The following ARHGAP35 variants were observed in gnomAD, a reference collection of about 807,000 sequenced individuals.
ARHGAP35 encodes Rho GTPase activating protein 35, also known as rho GTPase-activating protein 35.
A neutral mutation model predicts 111.1 loss-of-function variants in ARHGAP35; 15 were observed. The observed-to-expected ratio is 0.13, with a 90% CI of 0.09 to 0.21. ARHGAP35 has a LOEUF of 0.21. Ranked by LOEUF, ARHGAP35 falls within the 10% of genes least tolerant of loss-of-function variation. The pLI, the probability that ARHGAP35 is intolerant of heterozygous loss-of-function variation, is 1.00. For missense variants in ARHGAP35, 1,262 were observed against 1,873.0 expected (o/e 0.67, Z 6.02); for synonymous variants, 643 against 710.3 (o/e 0.91, Z 1.51).
chr19:46,867,186 T>A (rs2055862682), intron 1 of ARHGAP35, among the ~76,000 whole-genome samples: 2 of 152,226 alleles, frequency 1.3e-5, no homozygotes, highest in South Asian at 4.1e-4. Flanking sequence ...TACAGGAAAG[T>A]AATATTTATT....
At chr19:46,928,081 T>C (rs997595107) in intron 2 of ARHGAP35, among the ~76,000 whole-genome samples, 2 of 152,216 alleles carry the variant, frequency 1.3e-5, no homozygotes, top group African/African-American at 4.8e-5. Context: ...GACATTGAAA[T>C]AGCAACTGGA....
intron 1 of ARHGAP35, among the ~76,000 whole-genome samples, chr19:46,882,472 CTTTAT>C (rs1180863940): frequency 2.0e-5 from 3 of 152,114 alleles, no homozygotes; most frequent in African/African-American, 7.2e-5. Context: ...GGCTGTTTCA[CTTTAT>C]TTTATTTATT....
At chr19:46,861,921 G>A (rs1035836165) in intron 1 of ARHGAP35, among the ~76,000 whole-genome samples, 1 of 86,598 alleles carries the variant, frequency 1.2e-5, no homozygotes, top group Non-Finnish European at 2.6e-5. Flanking sequence ...CCTACTACCC[G>A]CATTTCTTGT....
At chr19:46,888,880 G>A (rs976050553) in intron 1 of ARHGAP35, among the ~76,000 whole-genome samples, 27 of 150,776 alleles carry the variant, frequency 1.8e-4, no homozygotes, top group Non-Finnish European at 3.1e-4. Flanking sequence ...GTGGTGGCAC[G>A]TGCCTGTAGT....
chr19:46,967,058 A>G (rs531781363), intron 3 of ARHGAP35, among the ~76,000 whole-genome samples: 1 of 152,164 alleles, frequency 6.6e-6, no homozygotes, highest in South Asian at 2.1e-4. Flanking sequence ...ATATTGCCCT[A>G]AAATCCTTTG....
intron 2 of ARHGAP35, among the ~76,000 whole-genome samples, chr19:46,935,534 G>A (rs1446939297): frequency 6.6e-6 from 1 of 152,198 alleles, no homozygotes; most frequent in East Asian, 1.9e-4. Flanking sequence ...GAACGAAGAT[G>A]GGCAGGAGAA....
At chr19:46,973,114 A>G (rs563119696) in intron 3 of ARHGAP35, among the ~76,000 whole-genome samples, 172 of 150,830 alleles carry the variant, frequency 1.1e-3, no homozygotes, top group African/African-American at 3.9e-3. Context: ...TGTAATCCCA[A>G]CACTTCGGGA....
intron 3 of ARHGAP35, among the ~76,000 whole-genome samples, chr19:46,962,646 G>T (rs1029844800): frequency 6.6e-6 from 1 of 152,036 alleles, no homozygotes; most frequent in Non-Finnish European, 1.5e-5. Flanking sequence ...TCGCTTTGTC[G>T]CCCAGGCTGG....
chr19:46,979,457 G>A (rs367758485), intron 3 of ARHGAP35, among the ~76,000 whole-genome samples: 12 of 152,176 alleles, frequency 7.9e-5, no homozygotes, highest in African/African-American at 2.2e-4. Context: ...CTTTGCCAGC[G>A]TGGTTTCTTA....
chr19:46,882,512 C>G (rs2055967866), intron 1 of ARHGAP35, among the ~76,000 whole-genome samples: 1 of 152,086 alleles, frequency 6.6e-6, no homozygotes, highest in Non-Finnish European at 1.5e-5. Context: ...ACTTTAAGTT[C>G]TGGGATACAT....
In ARHGAP35 at chr19:46,901,242, G is replaced by A. The variant is rs1472581580; in HGVS notation, c.-188-17246G>A. 1.3e-5 allele frequency among the ~76,000 whole-genome samples: 2 copies of A among 152,130 alleles called. No individual in the cohort carries two copies. Among genetic ancestry groups the A allele is most frequent in the African/African-American group, 4.8e-5 (2 of 41,416 alleles). On this transcript the variant is annotated intron_variant, in intron 1 of 6. Coordinates refer to ENST00000672722, the MANE Select transcript of ARHGAP35 (RefSeq NM_004491.5). This position sits in a 1 kb window ranked among gnomAD's most constrained non-coding sequence, Gnocchi z 4.5. ...AGAATGGTGGAGATGAGATCACATA[G>A]GGAATAAGAATTTGAGGGTTTAATA...
chr19:46,944,316 A>G (rs111393234), intron 3 of ARHGAP35, among the ~76,000 whole-genome samples: 16 of 151,752 alleles, frequency 1.1e-4, no homozygotes, highest in African/African-American at 2.9e-4. Flanking sequence ...AAAAAAAAAA[A>G]GTAATATACT....
rs190301782 is a variant in ARHGAP35, at chr19:46,864,080, A to G, written c.-189+2871A>G. 5.3e-5 allele frequency among the ~76,000 whole-genome samples: 8 copies of G among 152,356 alleles called. No homozygotes were observed. The South Asian group carries it at 1.2e-3, about 24-fold the overall frequency. ...TCTGGGGCTCTTTGCCTGCCGTACA[A>G]GGGGTGTGTGGGTGGGCCCTGACAT... On this transcript the variant is annotated intron_variant, in intron 1 of 6. Transcript: ENST00000672722.
At chr19:46,973,513 C>T (rs1455966898) in intron 3 of ARHGAP35, among the ~76,000 whole-genome samples, 1 of 151,078 alleles carries the variant, frequency 6.6e-6, no homozygotes, top group African/African-American at 2.4e-5. Flanking sequence ...CACAGTGAAA[C>T]CCCCTCTCTA....
rs994674373 is a variant in ARHGAP35, at chr19:47,004,590, A to G, written c.*3902A>G. 6.5e-6 allele frequency: 1 copy of G among 152,702 alleles called. No homozygotes were observed. The highest frequency in any genetic ancestry group is 2.4e-5 in the African/African-American group (1 of 41,470). 9.5% of individuals were successfully genotyped at this position (152,702 alleles called of 1,614,324 possible). A position where few individuals can be genotyped will look rare whatever the true frequency, so the allele number is the denominator to read the frequency against. ...GCTGCTGCCAGCTTATTTTTCTGGTACTTGTATTTTCACATGTTAAATGAT... is the reference window on the plus strand; with the variant it reads ...GCTGCTGCCAGCTTATTTTTCTGGTGCTTGTATTTTCACATGTTAAATGAT... On this transcript the variant is annotated 3_prime_UTR_variant, in exon 7 of 7. Coordinates refer to ENST00000672722, the MANE Select transcript of ARHGAP35 (RefSeq NM_004491.5).
intron 1 of ARHGAP35, among the ~76,000 whole-genome samples, chr19:46,874,809 CCTT>C (rs2055908125): frequency 1.1e-5 from 1 of 93,192 alleles, no homozygotes; most frequent in Non-Finnish European, 2.2e-5. Context: ...GCAGTTTTGT[CCTT>C]TTTTTTTTTT....
chr19:46,886,173 C>G (rs548520263), intron 1 of ARHGAP35, among the ~76,000 whole-genome samples: 1 of 152,186 alleles, frequency 6.6e-6, no homozygotes, highest in Non-Finnish European at 1.5e-5. Flanking sequence ...AATGCCTCCT[C>G]TCTGTTTCCA....
intron 1 of ARHGAP35, among the ~76,000 whole-genome samples, chr19:46,914,378 G>A (rs1267046069): frequency 6.6e-6 from 1 of 152,168 alleles, no homozygotes; most frequent in African/African-American, 2.4e-5. Context: ...GCTGAGGTGT[G>A]AGTGGGAGGA....
intron 3 of ARHGAP35, among the ~76,000 whole-genome samples, chr19:46,939,884 G>A (rs548856964): frequency 1.3e-5 from 2 of 151,752 alleles, no homozygotes; most frequent in Admixed American, 1.3e-4. Flanking sequence ...TTCCTTTATA[G>A]CAACAGACAA....
Sources: allele counts gnomAD v4.1 joint callset (sites outside exome capture counted in the v4.1 genomes callset), GRCh38; gene constraint gnomAD v4.1.1; non-coding constraint Gnocchi (gnomAD v3.1); transcripts MANE v1.5; gene names NCBI Gene and HGNC (gene_info 2026-07-23, HGNC 2026-07-21).